MAPK10: variants seen among roughly 807,000 people sequenced by gnomAD.
MAPK10 encodes the protein mitogen-activated protein kinase 10.
Under a neutral mutation model 59.3 loss-of-function variants are expected in MAPK10, and 25 were observed. That is an observed-to-expected ratio of 0.42 (90% CI 0.31 to 0.59). The LOEUF (loss-of-function observed/expected upper bound fraction) is 0.59, where lower values mean the gene tolerates loss of function less well. MAPK10 is among the 20% of genes least tolerant of loss of function. MAPK10 has a pLI of 0.15. For missense variants in MAPK10, 351 were observed against 568.9 expected (o/e 0.62, Z 3.90); for synonymous variants, 190 against 200.5 (o/e 0.95, Z 0.44).
At chr4:86,560,596 A>T (rs541903581) in intron 1 of MAPK10, among the ~76,000 whole-genome samples, 1 of 152,352 alleles carries the variant, frequency 6.6e-6, no homozygotes, top group South Asian at 2.1e-4. Context: ...ACTGGGGCTA[A>T]GCACCATTCA....
intron 2 of MAPK10, among the ~76,000 whole-genome samples, chr4:86,290,294 TAAG>T (rs1189311154): frequency 6.6e-6 from 1 of 152,224 alleles, no homozygotes; most frequent in Non-Finnish European, 1.5e-5. Context: ...CAAGAGCTGC[TAAG>T]AAGGACAAGT....
chr4:86,590,604 C>A (rs867122175), intron 1 of MAPK10, among the ~76,000 whole-genome samples: 2 of 151,952 alleles, frequency 1.3e-5, no homozygotes, highest in Non-Finnish European at 2.9e-5. Context: ...GGCAACATAG[C>A]AAGACCCCTC....
chr4:86,268,243 T>G (rs2094320835), intron 2 of MAPK10: 1 of 152,192 alleles, frequency 6.6e-6, no homozygotes, highest in Non-Finnish European at 1.5e-5. Flanking sequence ...ATACTCCACA[T>G]AGGATTCTTC....
intron 11 of MAPK10, among the ~76,000 whole-genome samples, chr4:86,053,791 G>T (rs1449796395): frequency 5.9e-5 from 9 of 151,910 alleles, no homozygotes; most frequent in Non-Finnish European, 1.3e-4. Context: ...TCTCACAAAT[G>T]CCCACTACCT....
chr4:86,493,918 C>A (rs932595127), intron 1 of MAPK10, among the ~76,000 whole-genome samples: 1 of 152,120 alleles, frequency 6.6e-6, no homozygotes, highest in South Asian at 2.1e-4. Flanking sequence ...TCTCCTACCC[C>A]ACATGATTTC....
At chr4:86,233,252 C>T (rs2091836093) in intron 2 of MAPK10, among the ~76,000 whole-genome samples, 1 of 152,096 alleles carries the variant, frequency 6.6e-6, no homozygotes, top group Admixed American at 6.5e-5. Context: ...CAAAAACATA[C>T]ATTTATCTAG....
At chr4:86,365,781 T>C (rs970609777) in intron 1 of MAPK10, among the ~76,000 whole-genome samples, 1 of 152,192 alleles carries the variant, frequency 6.6e-6, no homozygotes, top group African/African-American at 2.4e-5. Context: ...TTTTTCAAAG[T>C]GCTTTCAAAT....
rs10525325 is a variant in MAPK10, at chr4:86,165,543, A to ATT, written c.67-6078_67-6077dup. Among the ~76,000 whole-genome samples, 99 of 57,288 alleles carry ATT rather than the reference A, an allele frequency of 1.7e-3. 15 individuals carry two copies. The highest frequency in any genetic ancestry group is 0.014 in the Middle Eastern group (1 of 72). 37.6% of individuals were successfully genotyped at this position (57,288 alleles called of 152,430 possible). ...AGGCACATGCCACCACTCCCAGATA[A>ATT]TTTTTTTTTTTTTTTTTTTTTTTTT... On this transcript the variant is annotated intron_variant, in intron 3 of 13. Coordinates refer to ENST00000641462, the MANE Select transcript of MAPK10 (RefSeq NM_138982.4).
At chr4:86,094,659 G>A (rs1349576565) in intron 9 of MAPK10, among the ~76,000 whole-genome samples, 2 of 151,884 alleles carry the variant, frequency 1.3e-5, no homozygotes, top group African/African-American at 4.8e-5. Context: ...AAGATGGCAT[G>A]TCCTGGTTGG....
chr4:86,519,409 CT>C (rs1756945400), intron 1 of MAPK10, among the ~76,000 whole-genome samples: 2 of 152,066 alleles, frequency 1.3e-5, no homozygotes, highest in East Asian at 3.9e-4. Flanking sequence ...TTTTAACAGA[CT>C]TTAAGTCTGT....
At chr4:86,564,902 G>A (rs937716211) in intron 1 of MAPK10, among the ~76,000 whole-genome samples, 1 of 152,126 alleles carries the variant, frequency 6.6e-6, no homozygotes, top group Non-Finnish European at 1.5e-5. Flanking sequence ...AGCATGAGAT[G>A]GCGGGGGAAG....
intron 4 of MAPK10, among the ~76,000 whole-genome samples, chr4:86,113,085 C>T (rs1426430512): frequency 1.3e-5 from 2 of 152,030 alleles, no homozygotes; most frequent in Non-Finnish European, 2.9e-5. Context: ...TTCCTCTATC[C>T]CTTTATTTTG....
At chr4:86,565,898 A>G (rs1404911095) in intron 1 of MAPK10, among the ~76,000 whole-genome samples, 1 of 152,168 alleles carries the variant, frequency 6.6e-6, no homozygotes, top group Non-Finnish European at 1.5e-5. Context: ...TGGCCTATTC[A>G]TTGTTGCCTG....
chr4:86,212,312 G>A (rs1488040281), intron 2 of MAPK10, among the ~76,000 whole-genome samples: 1 of 151,980 alleles, frequency 6.6e-6, no homozygotes, highest in East Asian at 1.9e-4. Context: ...CAGGTCAGGA[G>A]TTCAAGACCA....
Position 86,050,159 on chromosome 4 carries a change from G to A in MAPK10, c.1110+14107C>T, listed in dbSNP as rs116391530. Among the ~76,000 whole-genome samples, 605 of 151,952 alleles carry A rather than the reference G, an allele frequency of 4.0e-3. 3 individuals are homozygous for A. The highest frequency in any genetic ancestry group is 0.014 in the African/African-American group (581 of 41,448). On this transcript the variant is annotated intron_variant, in intron 11 of 13. Coordinates refer to ENST00000641462, the MANE Select transcript of MAPK10 (RefSeq NM_138982.4). The stretch of plus-strand genomic sequence containing the variant: ...TTGGTAACTCTTGCCCATCCTTTTG[G>A]TCCCATTTGAGGCTTTTCTTCCTCC...
chr4:86,504,992 C>T (rs930667140), intron 1 of MAPK10, among the ~76,000 whole-genome samples: 1 of 152,144 alleles, frequency 6.6e-6, no homozygotes, highest in East Asian at 1.9e-4. Context: ...ACTCTGCATC[C>T]TCCATAAATA....
At chr4:86,328,104 A>G (rs555122351) in intron 2 of MAPK10, among the ~76,000 whole-genome samples, 1 of 152,316 alleles carries the variant, frequency 6.6e-6, no homozygotes, top group African/African-American at 2.4e-5. Context: ...CTCTTTCCTC[A>G]TGAAGGAGAT....
chr4:86,089,404 T>C, intron 9 of MAPK10: 1 of 633,744 alleles, frequency 1.6e-6, no homozygotes, highest in Non-Finnish European at 2.8e-6. Context: ...GAGAGGCCAG[T>C]GGCATGATCA....
intron 1 of MAPK10, among the ~76,000 whole-genome samples, chr4:86,473,931 C>T (rs1341469095): frequency 6.6e-6 from 1 of 152,106 alleles, no homozygotes; most frequent in Non-Finnish European, 1.5e-5. Flanking sequence ...GGAAGGATAG[C>T]TTAAGGCCAG....
Sources: gnomAD v4.1 joint callset for allele counts (sites outside exome capture counted in the v4.1 genomes callset) on GRCh38, gnomAD v4.1.1 for gene constraint, MANE v1.5 for transcripts, NCBI Gene and HGNC (gene_info 2026-07-23, HGNC 2026-07-21) for gene names.